COPA: variants seen among roughly 807,000 people sequenced by gnomAD.
COPA encodes the protein coatomer subunit alpha.
COPA carries 10 observed loss-of-function variants against 158.7 expected under a neutral mutation model. The ratio of observed to expected loss-of-function variants is 0.06; its 90% CI spans 0.04 to 0.11. COPA has a LOEUF of 0.11. COPA is among the 10% of genes least tolerant of loss of function. The probability of loss-of-function intolerance (pLI) is 1.00; values close to 1 mark genes in which losing one functional copy is unlikely to be tolerated. For missense variants in COPA, 1,065 were observed against 1,536.7 expected (o/e 0.69, Z 5.13); for synonymous variants, 462 against 542.8 (o/e 0.85, Z 2.07).
Position 160,335,326 on chromosome 1 carries a change from C to A in COPA, c.229-4G>T. The A allele has an allele frequency of 6.2e-7, 1 of 1,607,214 alleles. No individual in the cohort carries two copies. The highest frequency in any genetic ancestry group is 8.5e-7 in the Non-Finnish European group (1 of 1,176,892). On this transcript the variant is annotated splice_region_variant and splice_polypyrimidine_tract_variant and intron_variant, in intron 3 of 32. Coordinates refer to ENST00000241704, the MANE Select transcript of COPA (RefSeq NM_004371.4). ...GCCGAAGCTTGTAATTCCAAACCTG[C>A]AAAGACAAATCAAACTAAGAAACAG...
chr1:160,290,451 C>G (rs372293699), intron 32 of COPA, 41 bp downstream of exon 32: 1 of 1,580,352 alleles, frequency 6.3e-7, no homozygotes, highest in South Asian at 1.1e-5. Flanking sequence ...TTTTCCCCTT[C>G]GCTCAATATC....
At chr1:160,307,505 T>C (rs1658828902) in intron 13 of COPA, among the ~76,000 whole-genome samples, 1 of 152,252 alleles carries the variant, frequency 6.6e-6, no homozygotes, top group Non-Finnish European at 1.5e-5. Flanking sequence ...CATCATGTAC[T>C]GGCAGAAGGG....
chr1:160,295,733 T>G lies in COPA; in HGVS notation c.2476+3A>C. On this transcript the variant is annotated splice_donor_region_variant and intron_variant, in intron 23 of 32. Coordinates refer to ENST00000241704, the MANE Select transcript of COPA (RefSeq NM_004371.4). ...AAGTGCTATGGGAGAAATAGGTACT[T>G]ACCTTTGCTGGCAATGGTGCCTTCA... 1.2e-6 allele frequency: 2 copies of G among 1,601,960 alleles called. No individual in the cohort carries two copies. Among genetic ancestry groups the G allele is most frequent in the Non-Finnish European group, 1.7e-6 (2 of 1,176,060 alleles).
Position 160,290,259 on chromosome 1 carries a change from A to G in COPA, c.3616-43T>C, listed in dbSNP as rs778464744. The G allele has an allele frequency of 1.9e-6, 3 of 1,607,394 alleles. No individual in the cohort carries two copies. In the East Asian group the frequency reaches 6.7e-5, roughly 36 times the overall value. Reference sequence around the variant, plus strand: ...AAGGAACAAGTTAGAGATTTGTAAGATTGAGAACCCTAGAAAATGTATTCC... The same window carrying G: ...AAGGAACAAGTTAGAGATTTGTAAGGTTGAGAACCCTAGAAAATGTATTCC... On this transcript the variant is annotated intron_variant, in intron 32 of 32. Transcript: ENST00000241704.
chr1:160,325,737 T>A, intron 6 of COPA, 85 bp from the exon 7 acceptor site: 22 of 939,398 alleles, frequency 2.3e-5, no homozygotes, highest in South Asian at 4.6e-5. Flanking sequence ...GAAATTACAG[T>A]GAAAAAGAAA....
intron 23 of COPA, 142 bp from the exon 24 acceptor site, chr1:160,294,999 T>C: frequency 1.5e-6 from 1 of 662,102 alleles, no homozygotes; most frequent in Non-Finnish European, 2.6e-6. Flanking sequence ...TATTATTTAT[T>C]TTTGTGGTAT....
At position 160,325,414 on chromosome 1, in the gene COPA, C is replaced by T. The variant is rs1434430804; in HGVS notation, c.606+129G>A. ...TCACGCACAATTTGATTTCTAGTAC[C>T]TCAAACAGTGCCTGGCACTTAATAA... On this transcript the variant is annotated intron_variant, in intron 7 of 32. Transcript: ENST00000241704. The T allele has an allele frequency of 7.9e-6, 6 of 763,340 alleles. No homozygotes were observed. The East Asian group carries it at 1.3e-4, about 16-fold the overall frequency. The allele number at this position is 763,340 out of a possible 1,614,324, so 47.3% of individuals were successfully genotyped here.
rs755004879 is a variant in COPA at position 160,294,777 on chromosome 1, A to G, written c.2557T>C (p.Leu853=). 7.4e-6 allele frequency: 12 copies of G among 1,613,908 alleles called. No individual in the cohort carries two copies. The highest frequency in any genetic ancestry group is 1.0e-5 in the Non-Finnish European group (12 of 1,179,988). The change falls in exon 24 of 33, where the codon TTG becomes CTG. Residue 853 remains leucine, a synonymous_variant. Transcript: ENST00000241704. ...AAAACAGCACTTTTACCTTCATCCA[A>G]CTGCAGCTCTGCATCCTCTCCCCAG... The part of the protein sequence containing the change: ...EGWGEDAELQ[L]DEDGFVEATE...
intron 12 of COPA, 51 bp from the exon 13 acceptor site, chr1:160,309,227 C>T (rs779151175): frequency 9.5e-6 from 13 of 1,370,256 alleles, no homozygotes; most frequent in South Asian, 5.8e-5. Context: ...ACCCAAGATA[C>T]CAGTTTTCCA....
chr1:160,290,917 C>T (rs1218605550), intron 31 of COPA, among the ~76,000 whole-genome samples: 1 of 152,214 alleles, frequency 6.6e-6, no homozygotes, highest in Non-Finnish European at 1.5e-5. Flanking sequence ...GACCCACATT[C>T]CTCCACCAAC....
At chr1:160,304,562 G>A (rs1364316838) in intron 17 of COPA, among the ~76,000 whole-genome samples, 1 of 151,968 alleles carries the variant, frequency 6.6e-6, no homozygotes, top group East Asian at 1.9e-4. Flanking sequence ...TACTCGGGAG[G>A]CTGAGGCAGG....
At chr1:160,309,567 A>G (rs1024009960) in intron 12 of COPA, among the ~76,000 whole-genome samples, 1 of 152,092 alleles carries the variant, frequency 6.6e-6, no homozygotes, top group Non-Finnish European at 1.5e-5. Flanking sequence ...ACACTATAGG[A>G]ATGCAAATGT....
In COPA at chr1:160,290,090, A is replaced by G. The variant is rs1658173059; in HGVS notation, c.*67T>C. The G allele has an allele frequency of 3.5e-6, 5 of 1,435,576 alleles. No individual in the cohort carries two copies. In the South Asian group the frequency reaches 5.8e-5, roughly 17 times the overall value. The allele number at this position is 1,435,576 out of a possible 1,614,324, so 88.9% of individuals were successfully genotyped here. On this transcript the variant is annotated 3_prime_UTR_variant, in exon 33 of 33. Transcript: ENST00000241704. ...AGCTGCAGGGGGAAGGTGCTGTTAG[A>G]AGGAGGATATAGACACATTCTCTGG...
At chr1:160,328,205 CT>C (rs1647346411) in intron 6 of COPA, among the ~76,000 whole-genome samples, 1 of 152,202 alleles carries the variant, frequency 6.6e-6, no homozygotes. Flanking sequence ...GATCTGTCAA[CT>C]TTTTCTAACG....
chr1:160,322,292 C>T (rs1253828459), intron 8 of COPA, among the ~76,000 whole-genome samples: 1 of 151,990 alleles, frequency 6.6e-6, no homozygotes, highest in Non-Finnish European at 1.5e-5. Context: ...AACAGAGGAC[C>T]CAGATATAAA....
rs1658126772 is a variant in COPA, at chr1:160,289,001, C to T, written c.*1156G>A. 6.6e-6 allele frequency among the ~76,000 whole-genome samples: 1 copy of T among 151,968 alleles called. No homozygotes were observed. The highest frequency in any genetic ancestry group is 6.6e-5 in the Admixed American group (1 of 15,256). On this transcript the variant is annotated 3_prime_UTR_variant, in exon 33 of 33. Transcript: ENST00000241704. ...TTTCTTTTTTTTTGAGATGGAGTCT[C>T]ACTCTGTCGCCCAGGCTGGAGTGCG...
At position 160,292,019 on chromosome 1, in the gene COPA, A is replaced by G. The variant is rs780158500; in HGVS notation, c.3140T>C (p.Ile1047Thr). The change falls in exon 29 of 33, where the codon ATT (isoleucine) becomes ACT (threonine). Residue 1047 changes from isoleucine (I) to threonine (T), a missense_variant. By Grantham distance (89) the Ile-to-Thr change is moderately conservative. Around this residue, in one of 2 missense-constraint regions of COPA, gnomAD observed 980 missense variants for 1,357.8 expected, o/e 0.72. Transcript: ENST00000241704. The part of the protein sequence containing the change: ...PLLVVDNKQE[I>T]AEAQQLITIC... ...GCGGCTAGACCCTCCTACCTCTGCA[A>G]TCTCTTGTTTATTGTCCACAACAAG... 10 of 1,614,082 alleles carry G rather than the reference A, an allele frequency of 6.2e-6. No individual in the cohort carries two copies. In the Admixed American group the frequency reaches 1.7e-4, roughly 27 times the overall value.
Position 160,294,842 on chromosome 1 carries a change from A to C in COPA, c.2492T>G (p.Leu831Arg). The C allele has an allele frequency of 1.2e-6, 2 of 1,614,134 alleles. No homozygotes were observed. Among genetic ancestry groups the C allele is most frequent in the Non-Finnish European group, 8.5e-7 (1 of 1,180,002 alleles). The change falls in exon 24 of 33, where the codon CTG becomes CGG. Residue 831 changes from leucine to arginine, a missense_variant. Transcript: ENST00000241704. Reference sequence around the variant, plus strand: ...AGTGTCAATGTCAATGTCAGCAGCCAGTGCTCCTCCCTTCCCTACAGAGGG... The same window carrying C: ...AGTGTCAATGTCAATGTCAGCAGCCCGTGCTCCTCCCTTCCCTACAGAGGG... The part of the protein sequence containing the change: ...TIASKGKGGA[L>R]AADIDIDTVG...
chr1:160,335,394 C>G, intron 3 of COPA, 72 bp from the exon 4 acceptor site: 25 of 1,194,688 alleles, frequency 2.1e-5, no homozygotes, highest in Non-Finnish European at 2.9e-5. Context: ...AAATTGATAT[C>G]TTTACAGAGA....
Sources: gnomAD v4.1 joint callset for allele counts (sites outside exome capture counted in the v4.1 genomes callset) on GRCh38, gnomAD v4.1.1 for gene constraint, gnomAD v4.1.1 regional missense constraint, MANE v1.5 for transcripts, NCBI Gene and HGNC (gene_info 2026-07-23, HGNC 2026-07-21) for gene names.